Variants in LRBA observed in about 807,000 individuals in gnomAD.
The protein encoded by LRBA is LPS responsive beige-like anchor protein.
LRBA carries 176 observed loss-of-function variants against 330.0 expected under a neutral mutation model. The observed-to-expected ratio is 0.53, with a 90% CI of 0.47 to 0.60. LRBA has a LOEUF of 0.60. Ranked by LOEUF, LRBA falls within the 20% of genes least tolerant of loss-of-function variation. LRBA has a pLI of 0.00. For synonymous variants in LRBA, 1,230 were observed against 1,193.0 expected (o/e 1.03, Z -0.64); for missense variants, 3,259 against 3,444.8 (o/e 0.95, Z 1.35).
chr4:150,599,958 A>T (rs1773949405), intron 37 of LRBA, among the ~76,000 whole-genome samples: 1 of 152,194 alleles, frequency 6.6e-6, no homozygotes, highest in South Asian at 2.1e-4. Context: ...TATCAAAAGC[A>T]TACTTTTGGA....
intron 36 of LRBA, among the ~76,000 whole-genome samples, chr4:150,718,975 T>A (rs141626586): frequency 6.6e-6 from 1 of 152,172 alleles, no homozygotes; most frequent in African/African-American, 2.4e-5. Context: ...TTTTCAAACT[T>A]ATAAAATGAG....
chr4:150,458,338 A>C (rs1754341428), intron 44 of LRBA, among the ~76,000 whole-genome samples: 1 of 151,902 alleles, frequency 6.6e-6, no homozygotes, highest in Non-Finnish European at 1.5e-5. Flanking sequence ...ACTTTCCTGA[A>C]CTTAGTATTA....
At chr4:150,757,894 T>C (rs1734528852) in intron 35 of LRBA, among the ~76,000 whole-genome samples, 1 of 152,128 alleles carries the variant, frequency 6.6e-6, no homozygotes, top group African/African-American at 2.4e-5. Flanking sequence ...GGCTAAGCAC[T>C]GAAGTAAAGA....
At chr4:150,847,634 C>G (rs1239569884) in intron 26 of LRBA, among the ~76,000 whole-genome samples, 2 of 152,094 alleles carry the variant, frequency 1.3e-5, no homozygotes, top group African/African-American at 4.8e-5. Flanking sequence ...TTTCTTGTGC[C>G]TTCTCTCCTC....
rs747555190 is a variant in LRBA at position 150,415,427 on chromosome 4, T to C, written c.7194+11A>G. On this transcript the variant is annotated intron_variant, in intron 47 of 56. Coordinates refer to ENST00000651943, the MANE Select transcript of LRBA (RefSeq NM_001364905.1). ...GCTCATGACAGACAGAGTAGATGATTATTATCTTACCAATCTGTTTATGTG... is the reference window on the plus strand; with the variant it reads ...GCTCATGACAGACAGAGTAGATGATCATTATCTTACCAATCTGTTTATGTG... 7 of 1,611,860 alleles carry C rather than the reference T, an allele frequency of 4.3e-6. No homozygotes were observed. The highest frequency in any genetic ancestry group is 5.9e-6 in the Non-Finnish European group (7 of 1,179,074).
At chr4:150,412,896 C>T (rs149492652) in intron 47 of LRBA, among the ~76,000 whole-genome samples, 3 of 150,286 alleles carry the variant, frequency 2.0e-5, no homozygotes, top group Non-Finnish European at 4.4e-5. Context: ...TTTTTTAAAT[C>T]GTGATTCAAA....
intron 48 of LRBA, among the ~76,000 whole-genome samples, chr4:150,327,255 C>CA (rs926150875): frequency 1.3e-5 from 2 of 152,036 alleles, no homozygotes; most frequent in African/African-American, 4.8e-5. Context: ...CCTGTCTCTA[C>CA]AAAAAATAAA....
intron 2 of LRBA, among the ~76,000 whole-genome samples, chr4:150,965,503 T>C (rs771878359): frequency 6.6e-6 from 1 of 152,168 alleles, no homozygotes; most frequent in Non-Finnish European, 1.5e-5. Context: ...TTTCAGGTTT[T>C]CTCTCTATCG....
intron 47 of LRBA, among the ~76,000 whole-genome samples, chr4:150,372,560 C>CA (rs70937396): frequency 0.18 from 18,569 of 101,050 alleles, 1,600 homozygotes; most frequent in Non-Finnish European, 0.26. Context: ...ATCCCATCTC[C>CA]AAAAAAAAAA....
At chr4:150,340,493 G>A (rs1735376201) in intron 48 of LRBA, among the ~76,000 whole-genome samples, 1 of 152,032 alleles carries the variant, frequency 6.6e-6, no homozygotes, top group Non-Finnish European at 1.5e-5. Context: ...TAATGTCATT[G>A]ATTAATAGTG....
At chr4:150,489,710 T>C (rs1483885954) in intron 41 of LRBA, among the ~76,000 whole-genome samples, 1 of 129,940 alleles carries the variant, frequency 7.7e-6, no homozygotes, top group African/African-American at 2.9e-5. Flanking sequence ...TTATATATTA[T>C]ATATAAGAAT....
rs555408677 is a variant in LRBA at position 150,448,892 on chromosome 4, G to A, written c.6781-12028C>T. Among the ~76,000 whole-genome samples, 5 of 151,656 alleles carry A rather than the reference G, an allele frequency of 3.3e-5. No homozygotes were observed. In the South Asian group the frequency reaches 1.0e-3, roughly 32 times the overall value. ...AAGAATTTCTAAATACCAGTATTGG[G>A]TGAATAGATCAATGTAGAAACACAC... On this transcript the variant is annotated intron_variant, in intron 44 of 56. Transcript: ENST00000651943.
intron 37 of LRBA, among the ~76,000 whole-genome samples, chr4:150,609,635 AATTTGAT>A: frequency 1.3e-5 from 2 of 152,226 alleles, no homozygotes; most frequent in Non-Finnish European, 2.9e-5. Context: ...TGCTGTGAGC[AATTTGAT>A]TACAGTGGCT....
chr4:150,970,544 TGTGTGTGTGTGTACACAC>T (rs1253936304), intron 2 of LRBA: 64 of 42,294 alleles, frequency 1.5e-3, no homozygotes, highest in African/African-American at 3.3e-3. Flanking sequence ...TGTGTGTGTG[TGTGTGTGTGTGTACACAC>T]ACACACACAC....
intron 35 of LRBA, among the ~76,000 whole-genome samples, chr4:150,760,139 A>G (rs1252773434): frequency 1.3e-5 from 2 of 152,162 alleles, no homozygotes; most frequent in Admixed American, 6.5e-5. Flanking sequence ...CTCTTTTTCC[A>G]TATATAAACT....
chr4:150,802,939 T>C (rs1400982232), intron 33 of LRBA, among the ~76,000 whole-genome samples: 3 of 149,994 alleles, frequency 2.0e-5, no homozygotes, highest in African/African-American at 7.4e-5. Flanking sequence ...CAAGAATTGC[T>C]TGAACTCGGG....
intron 56 of LRBA, among the ~76,000 whole-genome samples, chr4:150,266,915 C>G (rs1455991322): frequency 1.3e-5 from 2 of 151,920 alleles, no homozygotes; most frequent in East Asian, 3.9e-4. Flanking sequence ...GTGGCTTACA[C>G]TAATATCAGA....
At chr4:150,523,990 A>G (rs1196145265) in intron 40 of LRBA, among the ~76,000 whole-genome samples, 1 of 152,174 alleles carries the variant, frequency 6.6e-6, no homozygotes, top group Non-Finnish European at 1.5e-5. Flanking sequence ...ACTAACAATT[A>G]TTTTATCTAC....
At chr4:150,805,592 AAAGG>A (rs1560842859) in intron 33 of LRBA, among the ~76,000 whole-genome samples, 29 of 135,914 alleles carry the variant, frequency 2.1e-4, no homozygotes, top group Non-Finnish European at 2.6e-4. Flanking sequence ...AAAGGAAAGG[AAAGG>A]AAAGGAAAAG....
Sources: gnomAD v4.1 joint callset for allele counts (sites outside exome capture counted in the v4.1 genomes callset) on GRCh38, gnomAD v4.1.1 for gene constraint, MANE v1.5 for transcripts, NCBI Gene and HGNC (gene_info 2026-07-23, HGNC 2026-07-21) for gene names.